The following RSRC1 variants were observed in gnomAD, a reference collection of about 807,000 sequenced individuals.
The protein encoded by RSRC1 is serine/Arginine-related protein 53.
RSRC1 carries 39 observed loss-of-function variants against 49.1 expected under a neutral mutation model. The ratio of observed to expected loss-of-function variants is 0.79; its 90% CI spans 0.61 to 1.04. The LOEUF is 1.04. Among genes scored for constraint, RSRC1 ranks in the 50% least tolerant of loss-of-function variants. RSRC1 has a pLI of 0.00. For missense variants in RSRC1, 388 were observed against 402.4 expected (o/e 0.96, Z 0.31); for synonymous variants, 143 against 130.8 (o/e 1.09, Z -0.63).
chr3:158,298,337 A>T (rs1559982172), intron 5 of RSRC1, among the ~76,000 whole-genome samples: 2 of 152,040 alleles, frequency 1.3e-5, no homozygotes, highest in Non-Finnish European at 2.9e-5. Context: ...TGCTTGCTTT[A>T]ATTATAAACA....
chr3:158,422,116 G>C (rs542930873), intron 6 of RSRC1, among the ~76,000 whole-genome samples: 1 of 151,180 alleles, frequency 6.6e-6, no homozygotes, highest in South Asian at 2.1e-4. Flanking sequence ...GGGTACATGT[G>C]CACAATGTGC....
chr3:158,180,446 G>GTGTA (rs1386297828), intron 3 of RSRC1, among the ~76,000 whole-genome samples: 3 of 126,928 alleles, frequency 2.4e-5, no homozygotes, highest in Non-Finnish European at 4.8e-5. Context: ...GTGTGTGTGT[G>GTGTA]TGTTTATGTG....
intron 3 of RSRC1, among the ~76,000 whole-genome samples, chr3:158,193,052 C>T (rs1720337364): frequency 6.6e-6 from 1 of 152,062 alleles, no homozygotes; most frequent in Admixed American, 6.6e-5. Context: ...AACTTCTTTC[C>T]TAGTGCCTGC....
At chr3:158,329,101 G>A (rs1322163872) in intron 5 of RSRC1, among the ~76,000 whole-genome samples, 1 of 152,070 alleles carries the variant, frequency 6.6e-6, no homozygotes, top group African/African-American at 2.4e-5. Flanking sequence ...GTCATTTAAG[G>A]ACTTCTCTAC....
chr3:158,352,748 G>A (rs1354457047), intron 5 of RSRC1, among the ~76,000 whole-genome samples: 1 of 152,160 alleles, frequency 6.6e-6, no homozygotes, highest in Non-Finnish European at 1.5e-5. Context: ...GTTTCTGCAT[G>A]ACCACAATCA....
At chr3:158,469,416 CT>C (rs1391686254) in intron 7 of RSRC1, 2 of 438,792 alleles carry the variant, frequency 4.6e-6, no homozygotes, top group Non-Finnish European at 9.0e-6. Context: ...TATATGATTC[CT>C]GTCTGTGGAA....
intron 3 of RSRC1, chr3:158,132,351 C>T: frequency 6.5e-6 from 1 of 153,784 alleles, no homozygotes; most frequent in Non-Finnish European, 1.5e-5. Flanking sequence ...TCTAATTTAT[C>T]ATATTTTAGT....
At chr3:158,452,283 G>A (rs919390819) in intron 6 of RSRC1, among the ~76,000 whole-genome samples, 2 of 152,118 alleles carry the variant, frequency 1.3e-5, no homozygotes, top group African/African-American at 4.8e-5. Context: ...TATACACATA[G>A]TAATGACTTA....
At chr3:158,196,532 A>C (rs1354460085) in intron 3 of RSRC1, among the ~76,000 whole-genome samples, 1 of 152,046 alleles carries the variant, frequency 6.6e-6, no homozygotes, top group East Asian at 1.9e-4. Context: ...AACTTCTAAC[A>C]CTATGTTGAA....
chr3:158,278,644 A>G (rs1725955929), intron 4 of RSRC1, among the ~76,000 whole-genome samples: 1 of 152,208 alleles, frequency 6.6e-6, no homozygotes, highest in African/African-American at 2.4e-5. Context: ...TGTGTCTTCA[A>G]CAGTTTGAAC....
chr3:158,316,273 G>T (rs80165189), intron 5 of RSRC1, among the ~76,000 whole-genome samples: 1 of 151,910 alleles, frequency 6.6e-6, no homozygotes, highest in Non-Finnish European at 1.5e-5. Context: ...GCAAGTTGGC[G>T]TATGCAAAGA....
chr3:158,529,744 C>T (rs1712271020), intron 7 of RSRC1, among the ~76,000 whole-genome samples: 1 of 151,800 alleles, frequency 6.6e-6, no homozygotes, highest in African/African-American at 2.4e-5. Flanking sequence ...ATATATACAC[C>T]AGAACAAAAT....
In RSRC1 at chr3:158,518,144, A is replaced by ATTTTTT. The variant is rs1179259389; in HGVS notation, c.653-18947_653-18946insTTTTTT. ...TGTGTGTGTATATATATATATATAT[A>ATTTTTT]TATATTTTTTTTTTTTTTTTTTTTA... On this transcript the variant is annotated intron_variant, in intron 7 of 9. Coordinates refer to ENST00000611884, the MANE Select transcript of RSRC1 (RefSeq NM_001271838.2). Among the ~76,000 whole-genome samples, 7 of 70,936 alleles carry ATTTTTT rather than the reference A, an allele frequency of 9.9e-5. 1 individual carries two copies. The highest frequency in any genetic ancestry group is 6.9e-4 in the African/African-American group (7 of 10,176). The allele number at this position is 70,936 out of a possible 152,430, so 46.5% of individuals were successfully genotyped here. A position where few individuals can be genotyped will look rare whatever the true frequency, so the allele number is the denominator to read the frequency against.
intron 6 of RSRC1, among the ~76,000 whole-genome samples, chr3:158,438,583 T>G (rs915262606): frequency 8.5e-5 from 13 of 152,182 alleles, no homozygotes; most frequent in African/African-American, 3.1e-4. Flanking sequence ...ATTCCCTATT[T>G]AATAAATGGT....
rs1712910018 is a variant in RSRC1 at position 158,539,468 on chromosome 3, TA to T, written c.759+2271del. Among the ~76,000 whole-genome samples, 1 of 152,102 alleles carries T rather than the reference TA, an allele frequency of 6.6e-6. No homozygotes were observed. Among genetic ancestry groups the T allele is most frequent in the South Asian group, 2.1e-4 (1 of 4,830 alleles). ...CCAAGATGCAGCTTGTTTTCAAACT[TA>T]GTATGAGTTATTCAACCCTAATGTT... On this transcript the variant is annotated intron_variant, in intron 8 of 9. Transcript: ENST00000611884. This position sits in a 1 kb window ranked among gnomAD's most constrained non-coding sequence, Gnocchi z 4.1.
At chr3:158,212,228 A>AT (rs572503702) in intron 4 of RSRC1, among the ~76,000 whole-genome samples, 41 of 152,008 alleles carry the variant, frequency 2.7e-4, no homozygotes, top group Middle Eastern at 3.4e-3. Context: ...ATTTTAGGTA[A>AT]TTAAATCCAG....
chr3:158,129,391 A>G (rs778180426), intron 3 of RSRC1, among the ~76,000 whole-genome samples: 1 of 148,710 alleles, frequency 6.7e-6, no homozygotes, highest in Non-Finnish European at 1.5e-5. Flanking sequence ...CCTGGGTTCA[A>G]GTGATTCTCG....
chr3:158,187,777 T>C (rs1463912291), intron 3 of RSRC1, among the ~76,000 whole-genome samples: 1 of 152,020 alleles, frequency 6.6e-6, no homozygotes, highest in Non-Finnish European at 1.5e-5. Context: ...TCAGAATGTT[T>C]ATATTTTCCC....
chr3:158,330,703 C>G (rs1017640749), intron 5 of RSRC1, among the ~76,000 whole-genome samples: 1 of 151,932 alleles, frequency 6.6e-6, no homozygotes, highest in Non-Finnish European at 1.5e-5. Flanking sequence ...CTCTAGGTCC[C>G]CAAATTGGAA....
Sources: gnomAD v4.1 joint callset for allele counts (sites outside exome capture counted in the v4.1 genomes callset) on GRCh38, gnomAD v4.1.1 for gene constraint, Gnocchi (gnomAD v3.1) non-coding constraint, MANE v1.5 for transcripts, NCBI Gene and HGNC (gene_info 2026-07-23, HGNC 2026-07-21) for gene names.